Variants in FYCO1 observed in about 807,000 individuals in gnomAD.
FYCO1 encodes the protein FYVE and coiled-coil domain-containing protein 1.
Under a neutral mutation model 165.1 loss-of-function variants are expected in FYCO1, and 122 were observed. The observed-to-expected ratio is 0.74, with a 90% confidence interval of 0.64 to 0.86. The LOEUF (loss-of-function observed/expected upper bound fraction) is 0.86, where lower values mean the gene tolerates loss of function less well. FYCO1 is among the 40% of genes least tolerant of loss of function. The pLI, the probability that FYCO1 is intolerant of heterozygous loss-of-function variation, is 0.00. For missense variants in FYCO1, 1,702 were observed against 1,810.3 expected (o/e 0.94, Z 1.09); for synonymous variants, 648 against 742.5 (o/e 0.87, Z 2.07).
At chr3:45,957,401 T>C (rs987138051) in intron 13 of FYCO1, among the ~76,000 whole-genome samples, 1 of 152,212 alleles carries the variant, frequency 6.6e-6, no homozygotes, top group Non-Finnish European at 1.5e-5. Flanking sequence ...ACCTGATACA[T>C]TGGACCTCAT....
At chr3:45,986,387 G>T (rs752645229) in intron 1 of FYCO1, among the ~76,000 whole-genome samples, 3 of 152,144 alleles carry the variant, frequency 2.0e-5, no homozygotes, top group Non-Finnish European at 2.9e-5. Flanking sequence ...GGCTCCAGGA[G>T]TCCAGGCAAG....
At chr3:45,933,835 G>A (rs975879267) in intron 15 of FYCO1, among the ~76,000 whole-genome samples, 1 of 152,156 alleles carries the variant, frequency 6.6e-6, no homozygotes, top group Non-Finnish European at 1.5e-5. Context: ...GGAGTTATCT[G>A]TCAAGGCTTT....
chr3:45,963,957 T>A (rs960018700), intron 10 of FYCO1, among the ~76,000 whole-genome samples: 1 of 152,202 alleles, frequency 6.6e-6, no homozygotes, highest in East Asian at 1.9e-4. Flanking sequence ...GGTAAATGTA[T>A]GCAAAGTATT....
intron 6 of FYCO1, 80 bp from the exon 7 acceptor site, chr3:45,969,845 C>T: frequency 1.7e-6 from 2 of 1,195,512 alleles, no homozygotes; most frequent in Admixed American, 3.8e-5. Context: ...CACTAGGCAA[C>T]CAGGTGGTGG....
chr3:45,946,044 G>A (rs1359110891), intron 14 of FYCO1: 1 of 162,482 alleles, frequency 6.2e-6, no homozygotes, highest in Non-Finnish European at 1.4e-5. Context: ...GAGGCAGGGG[G>A]AGATGAAAAC....
chr3:45,977,408 A>ATATAT (rs1706828635), intron 4 of FYCO1, among the ~76,000 whole-genome samples: 1 of 79,444 alleles, frequency 1.3e-5, no homozygotes, highest in Non-Finnish European at 2.6e-5. Context: ...TATATATATA[A>ATATAT]AGGGAACTAT....
chr3:45,985,585 G>A (rs1054515475), intron 1 of FYCO1, among the ~76,000 whole-genome samples: 12 of 152,222 alleles, frequency 7.9e-5, no homozygotes, highest in African/African-American at 1.7e-4. Flanking sequence ...GGTCCCCTTC[G>A]TCGTGAGGCT....
In FYCO1 at chr3:45,958,446, G is replaced by A. The variant is rs1232722286; in HGVS notation, c.3761C>T (p.Ser1254Leu). ...GGCCTGGGGCCCAGGTGAGGCTGGTGACAGTGCAGGGCTGGGCTCTCCCTG... is the reference window on the plus strand; with the variant it reads ...GGCCTGGGGCCCAGGTGAGGCTGGTAACAGTGCAGGGCTGGGCTCTCCCTG... The part of the protein sequence containing the change: ...TSQGEPSPAL[S>L]PASPGPQATG... Residue 1254 changes from serine to leucine, a missense_variant, in exon 13 of 18, where the codon TCA becomes TTA. Coordinates refer to ENST00000296137, the MANE Select transcript of FYCO1 (RefSeq NM_024513.4). 6.2e-7 allele frequency: 1 copy of A among 1,612,878 alleles called. No individual in the cohort carries two copies. The highest frequency in any genetic ancestry group is 8.5e-7 in the Non-Finnish European group (1 of 1,180,024).
intron 17 of FYCO1, among the ~76,000 whole-genome samples, chr3:45,922,124 G>A (rs112440870): frequency 6.6e-6 from 1 of 152,260 alleles, no homozygotes; most frequent in Non-Finnish European, 1.5e-5. Context: ...TGAAGCAGCT[G>A]GTGGTGGGGA....
chr3:45,958,069 A>G (rs560825686), intron 13 of FYCO1, among the ~76,000 whole-genome samples: 104 of 152,332 alleles, frequency 6.8e-4, no homozygotes, highest in African/African-American at 2.5e-3. Flanking sequence ...CACAACTCCT[A>G]GCCTTGAGTT....
chr3:45,968,181 T>C lies in FYCO1; in HGVS notation c.1153A>G (p.Thr385Ala), dbSNP rs1706205216. Residue 385 changes from threonine to alanine, a missense_variant, in exon 8 of 18, where the codon ACA becomes GCA. By Grantham distance (58) the Thr-to-Ala change is moderately conservative (BLOSUM62 0). Coordinates refer to ENST00000296137, the MANE Select transcript of FYCO1 (RefSeq NM_024513.4). ...GGAATAGGTTCTTGCCGGCCCTTTG[T>C]GTCTGATGCCGTATCTGCCTTCTGC... ...AQQKADTASD[T>A]KGRQEPIPSD... 2.5e-6 allele frequency: 4 copies of C among 1,614,094 alleles called. No homozygotes were observed. The highest frequency in any genetic ancestry group is 3.4e-6 in the Non-Finnish European group (4 of 1,180,044).
At chr3:45,954,638 A>G (rs1473991725) in intron 14 of FYCO1, among the ~76,000 whole-genome samples, 1 of 152,220 alleles carries the variant, frequency 6.6e-6, no homozygotes, top group African/African-American at 2.4e-5. Flanking sequence ...TGAAGCCCTA[A>G]GCACCAGTAC....
chr3:45,934,405 C>T (rs1428028245), intron 15 of FYCO1, among the ~76,000 whole-genome samples: 2 of 152,170 alleles, frequency 1.3e-5, no homozygotes, highest in Admixed American at 6.5e-5. Context: ...AGAGGAATAA[C>T]TTATTATCTA....
intron 14 of FYCO1, among the ~76,000 whole-genome samples, chr3:45,948,754 A>T (rs1306410419): frequency 1.3e-5 from 2 of 152,226 alleles, no homozygotes; most frequent in Admixed American, 6.5e-5. Context: ...GCCAGAACTG[A>T]CTTAACAGTG....
At position 45,968,130 on chromosome 3, in the gene FYCO1, CCTGCATCTCCTGGGCCGCATCA is replaced by C; in HGVS notation, c.1182_1203del (p.Ser394ArgfsTer3). On this transcript the variant is annotated frameshift_variant, in exon 8 of 18. Transcript: ENST00000296137. LOFTEE classifies it high-confidence loss of function. Reference sequence around the variant, plus strand: ...AGGGCTTGAAGCTTCTCCCCTAGCTCCTGCATCTCCTGGGCCGCATCACTGGGAATAGGTTCTTGCCGGCCCT... The same window carrying C: ...AGGGCTTGAAGCTTCTCCCCTAGCTCCTGGGAATAGGTTCTTGCCGGCCCT... 1 of 1,614,212 alleles carries C rather than the reference CCTGCATCTCCTGGGCCGCATCA, an allele frequency of 6.2e-7. No individual in the cohort carries two copies. The highest frequency in any genetic ancestry group is 8.5e-7 in the Non-Finnish European group (1 of 1,180,040).
chr3:45,947,605 A>G (rs1704711963), intron 14 of FYCO1: 2 of 939,312 alleles, frequency 2.1e-6, no homozygotes, highest in Non-Finnish European at 3.3e-6. Flanking sequence ...TAGCTTGCGC[A>G]TTCTCATGGA....
At position 45,969,655 on chromosome 3, in the gene FYCO1, C is replaced by A. The variant is rs1419445802; in HGVS notation, c.630+20G>T. 4.4e-6 allele frequency: 7 copies of A among 1,600,412 alleles called. No homozygotes were observed. Among genetic ancestry groups the A allele is most frequent in the Non-Finnish European group, 6.0e-6 (7 of 1,167,806 alleles). On this transcript the variant is annotated intron_variant, in intron 7 of 17. Transcript: ENST00000296137. Reference sequence around the variant, plus strand: ...TGGTAGAAGCTATAGGAAGATAATTCCCAGCCTTCCTGGCCTTACCTGCAG... The same window carrying A: ...TGGTAGAAGCTATAGGAAGATAATTACCAGCCTTCCTGGCCTTACCTGCAG...
chr3:45,979,883 C>T (rs954216221), intron 3 of FYCO1, 53 bp from the exon 4 acceptor site: 6 of 1,606,350 alleles, frequency 3.7e-6, no homozygotes, highest in Non-Finnish European at 5.1e-6. Flanking sequence ...GCTCTTCATT[C>T]CGGCATTTAA....
intron 14 of FYCO1, among the ~76,000 whole-genome samples, chr3:45,950,295 G>A (rs1026179200): frequency 6.6e-6 from 1 of 152,086 alleles, no homozygotes; most frequent in East Asian, 1.9e-4. Context: ...CCAACACCTG[G>A]GGGTGGCTGC....
Sources: gnomAD v4.1 joint callset for allele counts (sites outside exome capture counted in the v4.1 genomes callset) on GRCh38, gnomAD v4.1.1 for gene constraint, MANE v1.5 for transcripts, NCBI Gene and HGNC (gene_info 2026-07-23, HGNC 2026-07-21) for gene names.